The following CSMD3 variants were observed in gnomAD, a reference collection of about 807,000 sequenced individuals.
CSMD3 encodes CUB and Sushi multiple domains 3, also known as CUB and sushi domain-containing protein 3.
In CSMD3, 177 loss-of-function variants were observed where a neutral mutation model predicts 435.2. The ratio of observed to expected loss-of-function variants is 0.41; its 90% confidence interval spans 0.36 to 0.46. CSMD3 has a LOEUF of 0.46. Ranked by LOEUF, CSMD3 falls within the 20% of genes least tolerant of loss-of-function variation. CSMD3 has a pLI of 0.34. For missense variants in CSMD3, 4,265 were observed against 4,504.6 expected (o/e 0.95, Z 1.52); for synonymous variants, 1,656 against 1,520.5 (o/e 1.09, Z -2.07).
At chr8:112,583,789 T>G (rs938617690) in intron 23 of CSMD3, among the ~76,000 whole-genome samples, 11 of 151,854 alleles carry the variant, frequency 7.2e-5, no homozygotes, top group African/African-American at 2.7e-4. Flanking sequence ...AGTAAGCAAA[T>G]TGAAAAGAAA....
At chr8:113,303,465 G>A (rs2132606090) in intron 2 of CSMD3, among the ~76,000 whole-genome samples, 1 of 152,008 alleles carries the variant, frequency 6.6e-6, no homozygotes, top group South Asian at 2.1e-4. Flanking sequence ...TCAATCATAA[G>A]CCAAAAGAAC....
intron 28 of CSMD3, among the ~76,000 whole-genome samples, chr8:112,512,138 A>C (rs1823209359): frequency 6.6e-6 from 1 of 152,174 alleles, no homozygotes; most frequent in South Asian, 2.1e-4. Flanking sequence ...ACTCCTGATA[A>C]TATTGATATT....
intron 10 of CSMD3, among the ~76,000 whole-genome samples, chr8:112,877,723 T>C (rs1587551436): frequency 6.6e-6 from 1 of 152,082 alleles, no homozygotes; most frequent in Non-Finnish European, 1.5e-5. Context: ...AACAGATATA[T>C]TGACCAATGG....
At chr8:112,526,269 T>C (rs1020197854) in intron 27 of CSMD3, among the ~76,000 whole-genome samples, 49 of 152,166 alleles carry the variant, frequency 3.2e-4, no homozygotes, top group African/African-American at 1.0e-3. Context: ...GCATTTTAGT[T>C]TATTTGCAAA....
chr8:113,358,835 G>T lies in CSMD3; in HGVS notation c.179-44042C>A, dbSNP rs116336320. On this transcript the variant is annotated intron_variant, in intron 1 of 70. Transcript: ENST00000297405. ...AACTCATAGAGGCAGTCAAGCATCA[G>T]TGATAAGAGTAGTAGCTCTGGATTC... is the stretch of plus-strand genomic sequence containing the variant. Among the ~76,000 whole-genome samples, 1,260 of 152,198 alleles carry T rather than the reference G, an allele frequency of 8.3e-3. 17 individuals carry two copies. Among genetic ancestry groups the T allele is most frequent in the African/African-American group, 0.028 (1,180 of 41,534 alleles).
intron 13 of CSMD3, among the ~76,000 whole-genome samples, chr8:112,755,800 A>G (rs952136303): frequency 6.7e-6 from 1 of 148,798 alleles, no homozygotes; most frequent in African/African-American, 2.4e-5. Context: ...CTTTGCATAT[A>G]TTATATATAA....
intron 22 of CSMD3, among the ~76,000 whole-genome samples, chr8:112,588,651 TA>T (rs1830930116): frequency 6.6e-6 from 1 of 152,146 alleles, no homozygotes. Context: ...ATGTATCTAA[TA>T]AGGCATAAGA....
intron 13 of CSMD3, among the ~76,000 whole-genome samples, chr8:112,712,317 G>A: frequency 6.6e-6 from 1 of 152,240 alleles, no homozygotes; most frequent in East Asian, 1.9e-4. Context: ...CTTCAATTTG[G>A]TAAATGTAGT....
intron 1 of CSMD3, among the ~76,000 whole-genome samples, chr8:113,420,977 T>G (rs2094606428): frequency 1.3e-5 from 2 of 151,754 alleles, no homozygotes; most frequent in African/African-American, 4.8e-5. Context: ...TGATGACTTG[T>G]ATAAATATTA....
At chr8:112,233,481 C>T (rs945553782) in intron 68 of CSMD3, among the ~76,000 whole-genome samples, 2 of 152,132 alleles carry the variant, frequency 1.3e-5, no homozygotes, top group Non-Finnish European at 2.9e-5. Context: ...GAAGATTTGA[C>T]TCAGTTCCCA....
chr8:112,225,703 C>T (rs1301172069), intron 70 of CSMD3, among the ~76,000 whole-genome samples: 1 of 152,094 alleles, frequency 6.6e-6, no homozygotes, highest in African/African-American at 2.4e-5. Context: ...AAATGGTATA[C>T]ATTAAAGCAT....
At chr8:112,910,468 A>G (rs1006316548) in intron 10 of CSMD3, among the ~76,000 whole-genome samples, 2 of 151,812 alleles carry the variant, frequency 1.3e-5, no homozygotes, top group Non-Finnish European at 1.5e-5. Context: ...CTACAAAAAC[A>G]TTATACCTTC....
chr8:112,525,206 ACTT>A (rs1204421661), intron 27 of CSMD3, among the ~76,000 whole-genome samples: 5 of 151,682 alleles, frequency 3.3e-5, no homozygotes, highest in Admixed American at 6.6e-5. Flanking sequence ...CTGAATTTTA[ACTT>A]CTTTTCAGAA....
At chr8:113,261,492 A>T (rs2093426908) in intron 3 of CSMD3, among the ~76,000 whole-genome samples, 2 of 151,918 alleles carry the variant, frequency 1.3e-5, no homozygotes, top group Non-Finnish European at 1.5e-5. Context: ...CAGAGCTGCA[A>T]CTCTTCAGTG....
intron 4 of CSMD3, among the ~76,000 whole-genome samples, chr8:113,130,437 T>C (rs1413343883): frequency 6.6e-6 from 1 of 152,140 alleles, no homozygotes; most frequent in Non-Finnish European, 1.5e-5. Flanking sequence ...ACTTACCTCC[T>C]CTGTCTCTTC....
intron 5 of CSMD3, among the ~76,000 whole-genome samples, chr8:113,079,554 G>A (rs904895831): frequency 4.6e-5 from 7 of 152,040 alleles, no homozygotes; most frequent in Non-Finnish European, 1.0e-4. Context: ...CAGGGATTTG[G>A]TGACCTTATT....
chr8:112,563,513 G>C (rs1032683170), intron 24 of CSMD3, among the ~76,000 whole-genome samples: 3 of 151,322 alleles, frequency 2.0e-5, no homozygotes, highest in Non-Finnish European at 4.4e-5. Flanking sequence ...ACATAATCTA[G>C]TAAGTAATAT....
chr8:112,991,850 T>G (rs2085468441), intron 6 of CSMD3, among the ~76,000 whole-genome samples: 1 of 151,934 alleles, frequency 6.6e-6, no homozygotes, highest in Non-Finnish European at 1.5e-5. Context: ...GTACTTTCGT[T>G]TTTTTGCAAA....
chr8:112,263,576 C>A, intron 61 of CSMD3, 63 bp downstream of exon 61: 1 of 1,351,320 alleles, frequency 7.4e-7, no homozygotes, highest in South Asian at 1.2e-5. Flanking sequence ...TTAACAATCT[C>A]ATATTTGGTC....
Sources: allele counts gnomAD v4.1 joint callset (sites outside exome capture counted in the v4.1 genomes callset), GRCh38; gene constraint gnomAD v4.1.1; transcripts MANE v1.5; gene names NCBI Gene and HGNC (gene_info 2026-07-23, HGNC 2026-07-21).